Variants in DVL1 observed in about 807,000 individuals in gnomAD.
The protein encoded by DVL1 is dishevelled segment polarity protein 1.
DVL1 carries 49 observed loss-of-function variants against 65.0 expected under a neutral mutation model. That is an observed-to-expected ratio of 0.75 (90% CI 0.60 to 0.96). The LOEUF is 0.96. Among genes scored for constraint, DVL1 ranks in the 40% least tolerant of loss-of-function variants. The pLI is 0.00. For synonymous variants in DVL1, 608 were observed against 433.9 expected, an observed-to-expected ratio of 1.40 and a Z score of -4.99; for missense variants, 1,197 against 1,045.4, an observed-to-expected ratio of 1.15 and a Z score of -2.00.
At chr1:1,341,204 TGCACAC>T (rs991845876) in intron 5 of DVL1, among the ~76,000 whole-genome samples, 2 of 150,012 alleles carry the variant, frequency 1.3e-5, no homozygotes, top group African/African-American at 4.9e-5. Flanking sequence ...CACGCACACC[TGCACAC>T]ACGCACACGC....
Position 1,335,960 on chromosome 1 carries a change from C to T in DVL1, c.*182G>A. ...AGAGGGAGCGCCCCCAACACGGCTG[C>T]TCAGACACAGGTGCTGTCAGGAGCT... On this transcript the variant is annotated 3_prime_UTR_variant, in exon 15 of 15. Coordinates refer to ENST00000378888, the MANE Select transcript of DVL1 (RefSeq NM_001330311.2). 1 of 793,660 alleles carries T rather than the reference C, an allele frequency of 1.3e-6. No individual in the cohort carries two copies. The highest frequency in any genetic ancestry group is 1.8e-5 in the South Asian group (1 of 55,182). 49.2% of individuals were successfully genotyped at this position (793,660 alleles called of 1,614,324 possible).
chr1:1,348,917 T>C lies in DVL1; in HGVS notation c.149A>G (p.Lys50Arg). The part of the protein sequence containing the change: ...RPVHAYKFFF[K>R]SMDQDFGVVK... ...TGACCCGAAGTCCTGGTCCATGGAC[T>C]TAAAGAAGAATTTGTAGGCGTGCAC... Residue 50 changes from lysine (K) to arginine (R), a missense_variant, in exon 1 of 15, where the codon AAG becomes AGG. Lys to Arg is a conservative substitution (Grantham distance 26). Transcript: ENST00000378888. The C allele has an allele frequency of 1.3e-6, 2 of 1,569,436 alleles. No homozygotes were observed. The highest frequency in any genetic ancestry group is 1.7e-6 in the Non-Finnish European group (2 of 1,154,490).
In DVL1 at chr1:1,336,895, C is replaced by T. The variant is rs1404621072; in HGVS notation, c.1715-380G>A. On this transcript the variant is annotated intron_variant, in intron 14 of 14. Transcript: ENST00000378888. ...CCAAGGCCCCACTGTCCCCCCGGCC[C>T]AGGACCCTGGCCGACGGATGACTCA... 5.4e-6 allele frequency: 4 copies of T among 743,512 alleles called. No homozygotes were observed. In the East Asian group the frequency reaches 4.1e-4, roughly 76 times the overall value. 46.1% of individuals were successfully genotyped at this position (743,512 alleles called of 1,614,324 possible).
intron 14 of DVL1, chr1:1,337,582 G>A (rs1270220733): frequency 2.6e-5 from 10 of 391,246 alleles, no homozygotes; most frequent in Non-Finnish European, 4.9e-5. Context: ...AGGGCCTCCT[G>A]CCTCTACCAT....
At chr1:1,341,606 C>T in intron 5 of DVL1, 61 bp downstream of exon 5, 1 of 1,459,114 alleles carries the variant, frequency 6.9e-7, no homozygotes, top group Non-Finnish European at 9.3e-7. Flanking sequence ...ACATGCACAT[C>T]ATGTACAGAC....
In DVL1 at chr1:1,337,954, G is replaced by A. The variant is rs759848205; in HGVS notation, c.1714+23C>T. On this transcript the variant is annotated intron_variant, in intron 14 of 14. Coordinates refer to ENST00000378888, the MANE Select transcript of DVL1 (RefSeq NM_001330311.2). ...GAGCTGGGGGCGGAGCCGGGGAAGG[G>A]CAGGTAGGGGCGGCGTTCTCACCTT... 8.1e-6 allele frequency: 13 copies of A among 1,599,918 alleles called. No homozygotes were observed. In the East Asian group the frequency reaches 2.5e-4, roughly 30 times the overall value.
rs925302561 is a variant in DVL1, at chr1:1,336,218, G to C, written c.2012C>G (p.Pro671Arg). The C allele has an allele frequency of 1.3e-6, 2 of 1,558,652 alleles. No individual in the cohort carries two copies. The highest frequency in any genetic ancestry group is 1.7e-6 in the Non-Finnish European group (2 of 1,157,498). The change falls in exon 15 of 15, where the codon CCG becomes CGG. Residue 671 changes from proline to arginine, a missense_variant. Pro to Arg is a moderately radical substitution (Grantham distance 103). Transcript: ENST00000378888. ...GGACTGGCGGCTGCCTGTCAATTCC[G>C]GGGGGACGGCAGCCAGCTCCCGGAC... is the stretch of plus-strand genomic sequence containing the variant. ...PPVRELAAVP[P>R]ELTGSRQSFQ...
At chr1:1,341,394 G>A (rs1553174553) in intron 5 of DVL1, among the ~76,000 whole-genome samples, 3 of 151,930 alleles carry the variant, frequency 2.0e-5, no homozygotes, top group Non-Finnish European at 2.9e-5. Context: ...GCCTCACACA[G>A]ACACACATGC....
chr1:1,338,235 C>CCCCCCCCCCCCGGG, intron 13 of DVL1, 34 bp downstream of exon 13: 1 of 1,517,858 alleles, frequency 6.6e-7, no homozygotes, highest in Non-Finnish European at 9.0e-7. Flanking sequence ...GCGTTCCCCT[C>CCCCCCCCCCCCGGG]CCCCCCGCCC....
intron 5 of DVL1, among the ~76,000 whole-genome samples, chr1:1,340,947 G>A (rs147299270): frequency 1.2e-3 from 143 of 118,124 alleles, no homozygotes; most frequent in African/African-American, 4.4e-3. Flanking sequence ...CTGCACACAC[G>A]CACCCCTGCA....
chr1:1,346,127 C>T (rs1643911524), intron 1 of DVL1, among the ~76,000 whole-genome samples: 1 of 152,086 alleles, frequency 6.6e-6, no homozygotes, highest in Non-Finnish European at 1.5e-5. Context: ...CCAGGGAGGG[C>T]GGAGTGGGAA....
At chr1:1,340,199 G>T (rs373036823) in intron 7 of DVL1, 22 bp from the exon 8 acceptor site, 91 of 1,613,520 alleles carry the variant, frequency 5.6e-5, no homozygotes, top group Non-Finnish European at 6.4e-5. Flanking sequence ...GCCATGAGCC[G>T]CGGCCAAGCC....
At chr1:1,344,164 G>A (rs181409021) in intron 1 of DVL1, among the ~76,000 whole-genome samples, 22 of 152,308 alleles carry the variant, frequency 1.4e-4, no homozygotes, top group African/African-American at 5.3e-4. Context: ...GGCTGGGTAG[G>A]ATCTGGACGC....
chr1:1,340,579 AGTGG>A, intron 5 of DVL1, 76 bp from the exon 6 acceptor site: 2 of 1,474,422 alleles, frequency 1.4e-6, no homozygotes, highest in Non-Finnish European at 1.9e-6. Flanking sequence ...CCCAATACTG[AGTGG>A]GAATCGGGGG....
chr1:1,348,783 G>T, intron 1 of DVL1, 113 bp downstream of exon 1: 1 of 943,668 alleles, frequency 1.1e-6, no homozygotes, highest in Non-Finnish European at 1.4e-6. Context: ...GGCGCGTCGC[G>T]GTCGCAGGTC....
chr1:1,347,990 C>T lies in DVL1; in HGVS notation c.170+906G>A, dbSNP rs1399624588. 3.9e-5 allele frequency among the ~76,000 whole-genome samples: 6 copies of T among 152,204 alleles called. No homozygotes were observed. The East Asian group carries it at 9.6e-4, about 24-fold the overall frequency. The stretch of plus-strand genomic sequence containing the variant: ...TGCAACCACAGAATCCAAGAAACAA[C>T]CTTAATGTCACAATCCCAAGAAGCG... On this transcript the variant is annotated intron_variant, in intron 1 of 14. Coordinates refer to ENST00000378888, the MANE Select transcript of DVL1 (RefSeq NM_001330311.2).
rs1643558831 is a variant in DVL1, at chr1:1,336,054, C to T, written c.*88G>A. ...CCCCCCACCCTGCCTCCCGTCCTGG[C>T]CCCCACGAAGGCAAGCCCACGCGAG... On this transcript the variant is annotated 3_prime_UTR_variant, in exon 15 of 15. Transcript: ENST00000378888. 2.0e-6 allele frequency: 3 copies of T among 1,499,776 alleles called. No individual in the cohort carries two copies. The highest frequency in any genetic ancestry group is 2.7e-6 in the Non-Finnish European group (3 of 1,123,186). 92.9% of individuals were successfully genotyped at this position (1,499,776 alleles called of 1,614,324 possible). A position where few individuals can be genotyped will look rare whatever the true frequency, so the allele number is the denominator to read the frequency against.
chr1:1,346,856 C>G (rs1278600549), intron 1 of DVL1, among the ~76,000 whole-genome samples: 1 of 152,188 alleles, frequency 6.6e-6, no homozygotes, highest in Non-Finnish European at 1.5e-5. Context: ...TTCTCTTCCC[C>G]CCATCTCCAA....
chr1:1,340,818 C>A (rs951429317), intron 5 of DVL1, among the ~76,000 whole-genome samples: 4 of 129,282 alleles, frequency 3.1e-5, no homozygotes, highest in Admixed American at 2.9e-4. Flanking sequence ...CATGCACACA[C>A]CTGCACACAC....
Sources: allele counts gnomAD v4.1 joint callset (sites outside exome capture counted in the v4.1 genomes callset), GRCh38; gene constraint gnomAD v4.1.1; transcripts MANE v1.5; gene names NCBI Gene and HGNC (gene_info 2026-07-23, HGNC 2026-07-21).